RARB: variants seen among roughly 807,000 people sequenced by gnomAD.
RARB encodes the protein HBV-activated protein.
A neutral mutation model predicts 51.9 loss-of-function variants in RARB; 17 were observed. The ratio of observed to expected loss-of-function variants is 0.33; its 90% CI spans 0.22 to 0.49. RARB has a LOEUF of 0.49. RARB is among the 20% of genes least tolerant of loss of function. The probability of loss-of-function intolerance (pLI) is 0.99; values close to 1 mark genes in which losing one functional copy is unlikely to be tolerated. For synonymous variants in RARB, 215 were observed against 195.4 expected, an observed-to-expected ratio of 1.10 and a Z score of -0.84; for missense variants, 369 against 550.8, an observed-to-expected ratio of 0.67 and a Z score of 3.30.
chr3:25,050,649 C>G (rs1698314859), intron 2 of RARB, among the ~76,000 whole-genome samples: 1 of 152,112 alleles, frequency 6.6e-6, no homozygotes, highest in African/African-American at 2.4e-5. Flanking sequence ...TTTCCAAATT[C>G]CTTGTTACAC....
chr3:25,105,020 G>A (rs1254311552), intron 3 of RARB, among the ~76,000 whole-genome samples: 2 of 152,104 alleles, frequency 1.3e-5, no homozygotes, highest in East Asian at 3.8e-4. Context: ...CGTACAGTTT[G>A]TGTACTTTTC....
intron 1 of RARB, among the ~76,000 whole-genome samples, chr3:24,839,072 G>A (rs1046955887): frequency 3.3e-5 from 5 of 152,092 alleles, no homozygotes; most frequent in East Asian, 3.9e-4. Flanking sequence ...ACATATTTGA[G>A]TAAAAAAGTA....
At chr3:24,917,411 G>A (rs1695129224) in intron 2 of RARB, among the ~76,000 whole-genome samples, 1 of 152,212 alleles carries the variant, frequency 6.6e-6, no homozygotes, top group African/African-American at 2.4e-5. Context: ...TAGCATATTT[G>A]ATGAACTCAT....
chr3:25,003,489 T>C (rs1157958797), intron 2 of RARB, among the ~76,000 whole-genome samples: 1 of 152,142 alleles, frequency 6.6e-6, no homozygotes, highest in Admixed American at 6.6e-5. Context: ...GATTTACAGT[T>C]TTGTCAGCAC....
At position 24,912,740 on chromosome 3, in the gene RARB, G is replaced by A. The variant is rs1040090491; in HGVS notation, c.-380+53988G>A. 2.0e-5 allele frequency among the ~76,000 whole-genome samples: 3 copies of A among 152,228 alleles called. No homozygotes were observed. In the East Asian group the frequency reaches 5.8e-4, roughly 29 times the overall value. ...GCATTTGACATTTCAACTAAAGTTA[G>A]CATTCTATGAATGTTCTTAATAATT... On this transcript the variant is annotated intron_variant, in intron 2 of 11. Coordinates refer to the RARB transcript ENST00000383772.
intron 1 of RARB, among the ~76,000 whole-genome samples, chr3:24,854,661 C>A (rs1702609686): frequency 6.6e-6 from 1 of 152,134 alleles, no homozygotes; most frequent in Non-Finnish European, 1.5e-5. Flanking sequence ...AAGAAGCATT[C>A]ATCTAGGACA....
intron 5 of RARB, among the ~76,000 whole-genome samples, chr3:25,188,120 A>G (rs1414349637): frequency 6.6e-6 from 1 of 152,084 alleles, no homozygotes; most frequent in Non-Finnish European, 1.5e-5. Flanking sequence ...TATATATTGT[A>G]TATGTTTTGG....
Position 25,556,745 on chromosome 3 carries a change from C to T in RARB, c.449-13013C>T, listed in dbSNP as rs77680620. 6.9e-3 allele frequency among the ~76,000 whole-genome samples: 1,044 copies of T among 152,232 alleles called. 12 individuals are homozygous for T. The highest frequency in any genetic ancestry group is 0.023 in the African/African-American group (951 of 41,538). On this transcript the variant is annotated intron_variant, in intron 3 of 7. Transcript: ENST00000330688. ...CATGCACTTAGCACAGCCAGCACCC[C>T]GAAGGGCTGGGGTTGATGACAGCAG...
chr3:24,923,061 GAC>G (rs199805498), intron 2 of RARB, among the ~76,000 whole-genome samples: 1,699 of 152,206 alleles, frequency 0.011, 32 homozygotes, highest in African/African-American at 0.039. Context: ...TACAACAAAA[GAC>G]ACACAAACAA....
At chr3:24,936,481 C>G (rs767694317) in intron 2 of RARB, among the ~76,000 whole-genome samples, 1 of 152,054 alleles carries the variant, frequency 6.6e-6, no homozygotes, top group Non-Finnish European at 1.5e-5. Context: ...GAGTCTTAAC[C>G]GAGGCAGCTA....
chr3:24,876,802 C>T (rs975309464), intron 2 of RARB, among the ~76,000 whole-genome samples: 8 of 152,112 alleles, frequency 5.3e-5, no homozygotes, highest in Admixed American at 5.2e-4. Context: ...AAACATGATG[C>T]CAATTAGAAA....
intron 5 of RARB, among the ~76,000 whole-genome samples, chr3:25,196,286 G>A (rs894541628): frequency 6.6e-6 from 1 of 151,892 alleles, no homozygotes; most frequent in Non-Finnish European, 1.5e-5. Flanking sequence ...TGTTCTCATG[G>A]TTCAGTTCCC....
chr3:25,555,290 C>T (rs1229826374), intron 3 of RARB, among the ~76,000 whole-genome samples: 1 of 152,188 alleles, frequency 6.6e-6, no homozygotes, highest in African/African-American at 2.4e-5. Flanking sequence ...GATGGCCCCT[C>T]ATCAGAGAGG....
At position 25,070,262 on chromosome 3, in the gene RARB, A is replaced by G. The variant is rs73149150; in HGVS notation, c.-328+10086A>G. Among the ~76,000 whole-genome samples the G allele has an allele frequency of 9.2e-3, 1,395 of 152,328 alleles. 17 individuals are homozygous for G. Among genetic ancestry groups the G allele is most frequent in the African/African-American group, 0.032 (1,328 of 41,572 alleles). On this transcript the variant is annotated intron_variant, in intron 3 of 11. Transcript: ENST00000383772. ...CCCTACTCCAGTGTTATCTCATCTG[A>G]ACTAATTACATCTGCATCAACCCTA...
chr3:24,882,831 C>G (rs571047918), intron 2 of RARB, among the ~76,000 whole-genome samples: 2 of 152,154 alleles, frequency 1.3e-5, no homozygotes, highest in South Asian at 2.1e-4. Flanking sequence ...TGGGAAATCC[C>G]GTTCTCCTAA....
intron 2 of RARB, among the ~76,000 whole-genome samples, chr3:24,985,349 GTTT>G (rs10715822): frequency 7.6e-6 from 1 of 131,272 alleles, no homozygotes; most frequent in Admixed American, 7.7e-5. Flanking sequence ...TGGTTTTTTT[GTTT>G]TTTTTTTTTT....
chr3:25,361,211 G>A (rs1465584697), intron 5 of RARB, among the ~76,000 whole-genome samples: 6 of 151,884 alleles, frequency 4.0e-5, no homozygotes, highest in African/African-American at 7.3e-5. Context: ...TTGTCTTTAC[G>A]CTTTATTTCA....
At chr3:24,868,262 A>C (rs1011599834) in intron 2 of RARB, among the ~76,000 whole-genome samples, 1 of 152,168 alleles carries the variant, frequency 6.6e-6, no homozygotes, top group Non-Finnish European at 1.5e-5. Flanking sequence ...AGAGATCAAA[A>C]TAATTAATGT....
At chr3:24,856,885 A>G (rs1186879637) in intron 1 of RARB, among the ~76,000 whole-genome samples, 3 of 152,180 alleles carry the variant, frequency 2.0e-5, no homozygotes, top group Non-Finnish European at 4.4e-5. Flanking sequence ...CTCTTTTCAC[A>G]TTGAAATGAT....
Sources: gnomAD v4.1 joint callset for allele counts (sites outside exome capture counted in the v4.1 genomes callset) on GRCh38, gnomAD v4.1.1 for gene constraint, MANE v1.5 for transcripts, NCBI Gene and HGNC (gene_info 2026-07-23, HGNC 2026-07-21) for gene names.